The following CDC42BPA variants were observed in gnomAD, a reference collection of about 807,000 sequenced individuals.
CDC42BPA encodes the protein serine/threonine-protein kinase MRCK alpha.
CDC42BPA carries 80 observed loss-of-function variants against 223.5 expected under a neutral mutation model. The observed-to-expected ratio is 0.36, with a 90% CI of 0.30 to 0.43. The LOEUF (loss-of-function observed/expected upper bound fraction) is 0.43. Among genes scored for constraint, CDC42BPA ranks in the 20% least tolerant of loss-of-function variants. The pLI, the probability that CDC42BPA is intolerant of heterozygous loss-of-function variation, is 1.00. For missense variants in CDC42BPA, 1,743 were observed against 2,099.9 expected (o/e 0.83, Z 3.32); for synonymous variants, 694 against 718.6 (o/e 0.97, Z 0.55).
chr1:227,277,034 A>C (rs1259221547), intron 1 of CDC42BPA, among the ~76,000 whole-genome samples: 4 of 151,578 alleles, frequency 2.6e-5, no homozygotes, highest in African/African-American at 4.8e-5. Context: ...TGACCCTGCC[A>C]AATCCCCCTC....
intron 2 of CDC42BPA, among the ~76,000 whole-genome samples, chr1:227,245,625 C>A (rs537821569): frequency 6.6e-6 from 1 of 152,120 alleles, no homozygotes; most frequent in Non-Finnish European, 1.5e-5. Flanking sequence ...ACTAGCTCAG[C>A]CACACTAGAA....
intron 5 of CDC42BPA, among the ~76,000 whole-genome samples, chr1:227,161,291 T>TA (rs1663844244): frequency 6.6e-6 from 1 of 152,208 alleles, no homozygotes; most frequent in South Asian, 2.1e-4. Flanking sequence ...TAATCATATA[T>TA]AAAATGGTTC....
chr1:227,016,455 G>C (rs1370833525), intron 33 of CDC42BPA, among the ~76,000 whole-genome samples: 2 of 152,054 alleles, frequency 1.3e-5, no homozygotes, highest in African/African-American at 4.8e-5. Flanking sequence ...GCTCTACTTT[G>C]TTTTACATAT....
At chr1:227,126,929 G>A (rs1044858090) in intron 11 of CDC42BPA, among the ~76,000 whole-genome samples, 1 of 151,996 alleles carries the variant, frequency 6.6e-6, no homozygotes, top group Non-Finnish European at 1.5e-5. Context: ...AATAAGGCAA[G>A]AAAAGGAAAC....
intron 21 of CDC42BPA, among the ~76,000 whole-genome samples, chr1:227,054,516 T>C (rs1239233627): frequency 6.6e-6 from 1 of 152,208 alleles, no homozygotes; most frequent in Non-Finnish European, 1.5e-5. Flanking sequence ...CCAGAGCTGG[T>C]TGTTAAAACA....
intron 5 of CDC42BPA, among the ~76,000 whole-genome samples, chr1:227,165,430 T>C (rs186582103): frequency 6.6e-6 from 1 of 152,042 alleles, no homozygotes; most frequent in African/African-American, 2.4e-5. Flanking sequence ...GTTAGGCATT[T>C]AGTACACATA....
At chr1:227,044,207 T>C (rs1006519588) in intron 23 of CDC42BPA, among the ~76,000 whole-genome samples, 3 of 152,218 alleles carry the variant, frequency 2.0e-5, no homozygotes, top group Admixed American at 2.0e-4. Context: ...CTTTTTCATA[T>C]GGAGTTGCAG....
In CDC42BPA at chr1:226,991,008, A is replaced by AAT. The variant is rs1553284167; in HGVS notation, c.*3258_*3259dup. On this transcript the variant is annotated 3_prime_UTR_variant, in exon 37 of 37. Coordinates refer to ENST00000366766, the MANE Select transcript of CDC42BPA (RefSeq NM_001394014.1). ...ACTAAGTGTGTTGGGGATGTGTATA[A>AAT]ATACATACATAATAACAAAAAATGT... The AAT allele has an allele frequency of 6.6e-6, 1 of 152,608 alleles. No individual in the cohort carries two copies. Among genetic ancestry groups the AAT allele is most frequent in the Non-Finnish European group, 1.5e-5 (1 of 68,038 alleles). The allele number at this position is 152,608 out of a possible 1,614,324, so 9.5% of individuals were successfully genotyped here.
intron 16 of CDC42BPA, 67 bp downstream of exon 16, chr1:227,091,819 C>G: frequency 1.3e-6 from 1 of 799,044 alleles, no homozygotes; most frequent in African/African-American, 1.7e-5. Flanking sequence ...AAGTTATACC[C>G]ACAATTCCTA....
intron 1 of CDC42BPA, chr1:227,264,857 T>C: frequency 6.5e-7 from 1 of 1,532,730 alleles, no homozygotes; most frequent in Non-Finnish European, 9.0e-7. Flanking sequence ...TTCAGGTAAG[T>C]CTGGAACTGG....
intron 10 of CDC42BPA, among the ~76,000 whole-genome samples, chr1:227,130,421 T>C (rs1033091329): frequency 4.6e-5 from 7 of 152,250 alleles, no homozygotes; most frequent in Non-Finnish European, 7.3e-5. Flanking sequence ...GTATTTCTTA[T>C]ACATTTCTTT....
chr1:227,207,053 G>T (rs1043305788), intron 3 of CDC42BPA, among the ~76,000 whole-genome samples: 1 of 148,830 alleles, frequency 6.7e-6, no homozygotes, highest in Non-Finnish European at 1.5e-5. Flanking sequence ...TTAGCATTAG[G>T]TATATCTCCT....
intron 1 of CDC42BPA, among the ~76,000 whole-genome samples, chr1:227,316,706 C>G (rs1694460692): frequency 6.6e-6 from 1 of 152,126 alleles, no homozygotes; most frequent in Admixed American, 6.5e-5. Flanking sequence ...ACCAATAATC[C>G]ACTTTTGCCC....
chr1:227,295,700 G>A (rs575026620), intron 1 of CDC42BPA, among the ~76,000 whole-genome samples: 1 of 152,358 alleles, frequency 6.6e-6, no homozygotes, highest in South Asian at 2.1e-4. Flanking sequence ...TCACAAAGCT[G>A]TCAGGAATCC....
chr1:227,287,381 A>C (rs1438724317), intron 1 of CDC42BPA, among the ~76,000 whole-genome samples: 2 of 152,188 alleles, frequency 1.3e-5, no homozygotes, highest in African/African-American at 4.8e-5. Flanking sequence ...ACTGTACCTG[A>C]ACTATTTCTG....
At chr1:227,057,179 A>C (rs1674757926) in intron 21 of CDC42BPA, among the ~76,000 whole-genome samples, 1 of 152,182 alleles carries the variant, frequency 6.6e-6, no homozygotes, top group African/African-American at 2.4e-5. Flanking sequence ...GCACTGTGGA[A>C]ATCTCTCTCA....
chr1:227,265,634 A>T (rs527260680), intron 1 of CDC42BPA, among the ~76,000 whole-genome samples: 147 of 151,910 alleles, frequency 9.7e-4, no homozygotes, highest in South Asian at 4.4e-3. Context: ...CCGTCTTAAA[A>T]AAAAAAAAAA....
At chr1:227,255,180 T>C (rs1682829971) in intron 1 of CDC42BPA, among the ~76,000 whole-genome samples, 1 of 152,190 alleles carries the variant, frequency 6.6e-6, no homozygotes, top group Admixed American at 6.5e-5. Flanking sequence ...CAGGTCCCTC[T>C]TTATTCTAAC....
chr1:227,211,872 T>C (rs1673972954), intron 3 of CDC42BPA, among the ~76,000 whole-genome samples: 1 of 152,116 alleles, frequency 6.6e-6, no homozygotes, highest in East Asian at 1.9e-4. Flanking sequence ...CAATGCAATA[T>C]ATGCATGTCA....
Sources: gnomAD v4.1 joint callset for allele counts (sites outside exome capture counted in the v4.1 genomes callset) on GRCh38, gnomAD v4.1.1 for gene constraint, MANE v1.5 for transcripts, NCBI Gene and HGNC (gene_info 2026-07-23, HGNC 2026-07-21) for gene names.